VWA5A: variants seen among roughly 807,000 people sequenced by gnomAD.
VWA5A encodes von Willebrand factor A domain-containing protein 5A.
In VWA5A, 77 loss-of-function variants were observed where a neutral mutation model predicts 84.6. The ratio of observed to expected loss-of-function variants is 0.91; its 90% CI spans 0.76 to 1.10. The LOEUF (loss-of-function observed/expected upper bound fraction) is 1.10, where lower values mean the gene tolerates loss of function less well. Among genes scored for constraint, VWA5A ranks in the 50% least tolerant of loss-of-function variants. The pLI, the probability that VWA5A is intolerant of heterozygous loss-of-function variation, is 0.00. For missense variants in VWA5A, 973 were observed against 963.0 expected (o/e 1.01, Z -0.14); for synonymous variants, 334 against 350.1 (o/e 0.95, Z 0.51).
intron 17 of VWA5A, among the ~76,000 whole-genome samples, chr11:124,144,441 T>C (rs1860780600): frequency 6.6e-6 from 1 of 152,226 alleles, no homozygotes; most frequent in African/African-American, 2.4e-5. Context: ...TTTAAAATCA[T>C]TACGCTGTTT....
Position 124,141,805 on chromosome 11 carries a change from A to C in VWA5A, c.2023+64A>C, listed in dbSNP as rs576285635. ...TTCTGTCACATATACAGGACTAGGC[A>C]AGCTAAAAGCTTGTAGTTACAGCTA... is the stretch of plus-strand genomic sequence containing the variant. On this transcript the variant is annotated intron_variant, in intron 16 of 18. Transcript: ENST00000456829. 902 of 1,555,178 alleles carry C rather than the reference A, an allele frequency of 5.8e-4. 2 individuals are homozygous for C. Among genetic ancestry groups the C allele is most frequent in the Non-Finnish European group, 7.6e-4 (877 of 1,149,104 alleles).
chr11:124,124,674 G>T, intron 11 of VWA5A: 3 of 568,274 alleles, frequency 5.3e-6, no homozygotes, highest in Non-Finnish European at 6.8e-6. Flanking sequence ...TGCACTGTGT[G>T]ATCGCCACAT....
intron 12 of VWA5A, among the ~76,000 whole-genome samples, chr11:124,135,927 C>T (rs992741760): frequency 2.0e-5 from 3 of 152,190 alleles, no homozygotes; most frequent in Non-Finnish European, 4.4e-5. Flanking sequence ...TCTTTATTTA[C>T]ATTTACGTTA....
intron 11 of VWA5A, among the ~76,000 whole-genome samples, chr11:124,125,825 A>G (rs896417445): frequency 5.3e-5 from 8 of 152,200 alleles, no homozygotes; most frequent in Non-Finnish European, 1.0e-4. Context: ...TAGCTTCAAA[A>G]TGTATTTGAG....
Position 124,118,598 on chromosome 11 carries a change from A to C in VWA5A, c.535A>C (p.Thr179Pro), listed in dbSNP as rs1864878708. Residue 179 changes from threonine (T) to proline (P), a missense_variant, in exon 6 of 19, where the codon ACA becomes CCA. Physicochemically the swap from Thr to Pro is conservative, Grantham distance 38 (BLOSUM62 -1). Transcript: ENST00000456829. Reference sequence around the variant, plus strand: ...AGTCCCTGTGGAGGACCTGCCCTACACACTCAGCATGGTCGCCACCATAGA... The same window carrying C: ...AGTCCCTGTGGAGGACCTGCCCTACCCACTCAGCATGGTCGCCACCATAGA... ...PIVPVEDLPY[T>P]LSMVATIDSQ... 1.2e-6 allele frequency: 2 copies of C among 1,614,078 alleles called. No homozygotes were observed.
chr11:124,126,012 A>C (rs912706079), intron 11 of VWA5A, among the ~76,000 whole-genome samples: 1 of 152,202 alleles, frequency 6.6e-6, no homozygotes. Context: ...TCAGTAATGC[A>C]CAGTGTCATC....
chr11:124,137,378 CTT>C, intron 15 of VWA5A, 110 bp downstream of exon 15: 1 of 1,386,418 alleles, frequency 7.2e-7, no homozygotes, highest in Non-Finnish European at 9.6e-7. Flanking sequence ...CTTTGTTTTC[CTT>C]ATACCTCCAC....
In VWA5A at chr11:124,123,613, CAAGGTTAA is replaced by C. The variant is rs775991806; in HGVS notation, c.1020-46_1020-39del. On this transcript the variant is annotated intron_variant, in intron 9 of 18. Coordinates refer to ENST00000456829, the MANE Select transcript of VWA5A (RefSeq NM_001130142.2). Reference sequence around the variant, plus strand: ...CTCAATTCAGGGACTCTATACTGGGCAAGGTTAAGTAACCCTCATGTAACTGGGTGTGT... The same window carrying C: ...CTCAATTCAGGGACTCTATACTGGGCGTAACCCTCATGTAACTGGGTGTGT... 4.2e-5 allele frequency: 67 copies of C among 1,613,920 alleles called. No homozygotes were observed. In the African/African-American group the frequency reaches 8.0e-4, roughly 19 times the overall value.
At chr11:124,140,836 C>T (rs1414751106) in intron 15 of VWA5A, among the ~76,000 whole-genome samples, 2 of 152,192 alleles carry the variant, frequency 1.3e-5, no homozygotes, top group African/African-American at 4.8e-5. Context: ...GATCTTCCCA[C>T]CTCAGCCTCC....
At chr11:124,138,991 G>A (rs1454036387) in intron 15 of VWA5A, among the ~76,000 whole-genome samples, 3 of 152,164 alleles carry the variant, frequency 2.0e-5, no homozygotes, top group Non-Finnish European at 2.9e-5. Context: ...TCTTTCATAT[G>A]TGTGTATCCA....
At chr11:124,140,514 A>C (rs955973986) in intron 15 of VWA5A, among the ~76,000 whole-genome samples, 6 of 151,962 alleles carry the variant, frequency 3.9e-5, no homozygotes, top group African/African-American at 1.5e-4. Context: ...CCCAGGTTGG[A>C]GTGCAGTAGT....
At chr11:124,142,603 G>A in intron 17 of VWA5A, 31 bp downstream of exon 17, 1 of 1,612,634 alleles carries the variant, frequency 6.2e-7, no homozygotes, top group East Asian at 2.2e-5. Context: ...GAGTATGTAT[G>A]TTTTTGAGAG....
chr11:124,118,709 G>A lies in VWA5A; in HGVS notation c.645+1G>A. On this transcript the variant is annotated splice_donor_variant, in intron 6 of 18. Transcript: ENST00000456829. LOFTEE classifies it high-confidence loss of function. ...AGGAGAGGACAAGACTTCTGCTCAG[G>A]TAGTTAATGAGAGAATACTGCTATT... 6.2e-7 allele frequency: 1 copy of A among 1,612,672 alleles called. No homozygotes were observed. Among genetic ancestry groups the A allele is most frequent in the African/African-American group, 1.3e-5 (1 of 75,018 alleles).
At position 124,118,667 on chromosome 11, in the gene VWA5A, A is replaced by G. The variant is rs35496433; in HGVS notation, c.604A>G (p.Ser202Gly). The G allele has an allele frequency of 1.0e-3, 1,638 of 1,614,102 alleles. 12 individuals carry two copies. In the African/African-American group the frequency reaches 0.019, roughly 18 times the overall value. The change falls in exon 6 of 19, where the codon AGT becomes GGT. Residue 202 changes from serine (S) to glycine (G), a missense_variant. Physicochemically the swap from Ser to Gly is moderately conservative, Grantham distance 56 (BLOSUM62 0). Transcript: ENST00000456829. The stretch of plus-strand genomic sequence containing the variant: ...GAAGGTCCAATCCAACTGCCCCTTG[A>G]GTCCTACCGAGTACCTAGGAGAGGA... Reference protein sequence around the residue: ...IEKVQSNCPLSPTEYLGEDKT... With the variant: ...IEKVQSNCPLGPTEYLGEDKT...
Position 124,117,717 on chromosome 11 carries a change from G to A in VWA5A, c.88G>A (p.Val30Met). 1 of 1,614,208 alleles carries A rather than the reference G, an allele frequency of 6.2e-7. No individual in the cohort carries two copies. Among genetic ancestry groups the A allele is most frequent in the Non-Finnish European group, 8.5e-7 (1 of 1,180,044 alleles). Residue 30 changes from valine to methionine, a missense_variant, in exon 4 of 19, where the codon GTG becomes ATG. Coordinates refer to ENST00000456829, the MANE Select transcript of VWA5A (RefSeq NM_001130142.2). ...ISVSVNIYEF[V>M]AGVSATLNYE... ...TGTGAGCGTGAACATTTACGAGTTT[G>A]TGGCTGGTGTGTCTGCAACTTTGAA...
At chr11:124,134,397 G>A (rs1216649478) in intron 11 of VWA5A, among the ~76,000 whole-genome samples, 3 of 152,182 alleles carry the variant, frequency 2.0e-5, no homozygotes, top group South Asian at 2.1e-4. Flanking sequence ...TTGGGAAATC[G>A]CATTATGTTT....
chr11:124,127,656 T>C (rs61907092), intron 11 of VWA5A, among the ~76,000 whole-genome samples: 23,628 of 152,214 alleles, frequency 0.16, 2,268 homozygotes, highest in Middle Eastern at 0.33. Context: ...TTCCTATTTC[T>C]CCACATCCTC....
At chr11:124,134,794 G>A (rs1565619711) in intron 11 of VWA5A, 126 bp from the exon 12 acceptor site, 5 of 609,124 alleles carry the variant, frequency 8.2e-6, no homozygotes, top group South Asian at 5.4e-5. Flanking sequence ...CTCAGTAAAT[G>A]GTAGCTGTTA....
chr11:124,125,331 G>A (rs537328873), intron 11 of VWA5A, among the ~76,000 whole-genome samples: 3 of 150,906 alleles, frequency 2.0e-5, no homozygotes, highest in African/African-American at 2.4e-5. Flanking sequence ...CGCCCAGGCC[G>A]GACTGCAGTG....
Sources: gnomAD v4.1 joint callset for allele counts (sites outside exome capture counted in the v4.1 genomes callset) on GRCh38, gnomAD v4.1.1 for gene constraint, MANE v1.5 for transcripts, NCBI Gene and HGNC (gene_info 2026-07-23, HGNC 2026-07-21) for gene names.